Variants in MPPED2 observed in about 807,000 individuals in gnomAD.
The protein encoded by MPPED2 is metallophosphoesterase domain containing 2, also known as metallophosphoesterase MPPED2.
In MPPED2, 5 loss-of-function variants were observed where a neutral mutation model predicts 33.0. The observed-to-expected ratio is 0.15, with a 90% CI of 0.08 to 0.32. The LOEUF (loss-of-function observed/expected upper bound fraction) is 0.32, where lower values mean the gene tolerates loss of function less well. MPPED2 is among the 10% of genes least tolerant of loss of function. MPPED2 has a pLI of 1.00. For synonymous variants in MPPED2, 136 were observed against 141.9 expected, an observed-to-expected ratio of 0.96 and a Z score of 0.29; for missense variants, 275 against 372.1, an observed-to-expected ratio of 0.74 and a Z score of 2.15.
intron 1 of MPPED2, among the ~76,000 whole-genome samples, chr11:30,581,354 C>G (rs1320724296): frequency 6.6e-6 from 1 of 152,088 alleles, no homozygotes; most frequent in Non-Finnish European, 1.5e-5. Flanking sequence ...TCATAAATGT[C>G]AATATATTAT....
exon 7 of MPPED2, chr11:30,387,740 G>T (rs1167098448): frequency 6.6e-6 from 1 of 152,302 alleles, no homozygotes; most frequent in East Asian, 1.9e-4. Flanking sequence ...TCCCAGCAAA[G>T]CCCCATTTGC....
intron 3 of MPPED2, among the ~76,000 whole-genome samples, chr11:30,525,403 C>A (rs76694929): frequency 2.0e-5 from 3 of 152,038 alleles, no homozygotes; most frequent in African/African-American, 7.3e-5. Flanking sequence ...TTCAAAGAGC[C>A]GCTTTTTTAT....
At chr11:30,480,840 G>T (rs899601186) in intron 4 of MPPED2, among the ~76,000 whole-genome samples, 1 of 152,020 alleles carries the variant, frequency 6.6e-6, no homozygotes, top group Non-Finnish European at 1.5e-5. Context: ...TTTTTAAATG[G>T]TGATAATGAG....
chr11:30,425,034 C>G (rs1948771211), intron 4 of MPPED2, among the ~76,000 whole-genome samples: 1 of 152,170 alleles, frequency 6.6e-6, no homozygotes, highest in African/African-American at 2.4e-5. Flanking sequence ...TTCACTACGA[C>G]TTTGTAGCTT....
At chr11:30,552,155 T>G (rs376977504) in intron 2 of MPPED2, among the ~76,000 whole-genome samples, 1 of 152,218 alleles carries the variant, frequency 6.6e-6, no homozygotes, top group Non-Finnish European at 1.5e-5. Flanking sequence ...CTATTAAAAC[T>G]GTCATCTTCT....
intron 3 of MPPED2, among the ~76,000 whole-genome samples, chr11:30,499,371 T>A (rs1952448066): frequency 6.6e-6 from 1 of 152,200 alleles, no homozygotes; most frequent in Non-Finnish European, 1.5e-5. Context: ...ACATTCCAAA[T>A]CCCAAAATCC....
At chr11:30,514,663 T>C (rs1953422952) in intron 3 of MPPED2, among the ~76,000 whole-genome samples, 1 of 152,222 alleles carries the variant, frequency 6.6e-6, no homozygotes, top group South Asian at 2.1e-4. Context: ...TTCTGCTTCT[T>C]ACAACAGCCT....
chr11:30,492,888 G>A (rs1376305242), intron 4 of MPPED2, among the ~76,000 whole-genome samples: 1 of 152,020 alleles, frequency 6.6e-6, no homozygotes, highest in African/African-American at 2.4e-5. Flanking sequence ...TTCTGCACCT[G>A]GATTTTCTTA....
At chr11:30,440,297 T>C (rs1385139529) in intron 4 of MPPED2, among the ~76,000 whole-genome samples, 1 of 150,050 alleles carries the variant, frequency 6.7e-6, no homozygotes, top group African/African-American at 2.5e-5. Flanking sequence ...GCCACTGCAC[T>C]CCAGCCTGGG....
intron 4 of MPPED2, chr11:30,451,833 C>A: frequency 1.0e-6 from 1 of 985,258 alleles, no homozygotes; most frequent in Non-Finnish European, 1.2e-6. Context: ...TGACAGGCTG[C>A]GGTGGGAAGT....
At chr11:30,429,506 G>C (rs1446557347) in intron 4 of MPPED2, among the ~76,000 whole-genome samples, 5 of 152,152 alleles carry the variant, frequency 3.3e-5, no homozygotes, top group Admixed American at 6.5e-5. Flanking sequence ...AAAAAGCTTA[G>C]ACTGCCCTTC....
intron 2 of MPPED2, among the ~76,000 whole-genome samples, chr11:30,570,759 A>G (rs2134811947): frequency 6.6e-6 from 1 of 152,318 alleles, no homozygotes; most frequent in Non-Finnish European, 1.5e-5. Context: ...TTCAAAACAT[A>G]TTTTAAACTA....
At chr11:30,427,359 C>T (rs1382752017) in intron 4 of MPPED2, among the ~76,000 whole-genome samples, 1 of 152,142 alleles carries the variant, frequency 6.6e-6, no homozygotes, top group South Asian at 2.1e-4. Context: ...GTTGCTAATA[C>T]TGGTTTCTTT....
chr11:30,449,687 T>TC (rs1317566188), intron 4 of MPPED2, among the ~76,000 whole-genome samples: 1 of 152,120 alleles, frequency 6.6e-6, no homozygotes, highest in East Asian at 1.9e-4. Context: ...TTATCTGTTC[T>TC]CCCCTTTTCT....
chr11:30,469,508 G>C lies in MPPED2; in HGVS notation c.536+25788C>G, dbSNP rs192618148. 1.5e-3 allele frequency among the ~76,000 whole-genome samples: 221 copies of C among 152,246 alleles called. 2 individuals carry two copies. The highest frequency in any genetic ancestry group is 0.013 in the Admixed American group (204 of 15,298). On this transcript the variant is annotated intron_variant, in intron 4 of 6. Coordinates refer to ENST00000358117, the MANE Select transcript of MPPED2 (RefSeq NM_001584.3). ...GAATCGGAGATGTAGCAGCAGCATA[G>C]CAGAAAGAGCCAAGTTCAGTCCTAC...
At chr11:30,578,829 T>G (rs574982209) in intron 2 of MPPED2, among the ~76,000 whole-genome samples, 3 of 152,304 alleles carry the variant, frequency 2.0e-5, no homozygotes, top group Non-Finnish European at 4.4e-5. Flanking sequence ...AATATTTGAA[T>G]TAAACAGATA....
downstream of MPPED2, among the ~76,000 whole-genome samples, chr11:30,406,474 T>G (rs1291035932): frequency 6.6e-6 from 1 of 152,100 alleles, no homozygotes; most frequent in Non-Finnish European, 1.5e-5. Context: ...TTGGAGCTTC[T>G]TAGGGAGTTT....
chr11:30,546,166 G>A (rs180797306), intron 2 of MPPED2, among the ~76,000 whole-genome samples: 152 of 152,146 alleles, frequency 1.0e-3, no homozygotes, highest in African/African-American at 3.6e-3. Flanking sequence ...CCCAAAGTTC[G>A]GAAAAAACAA....
At chr11:30,585,315 C>T (rs1957410033) in intron 1 of MPPED2, among the ~76,000 whole-genome samples, 1 of 152,062 alleles carries the variant, frequency 6.6e-6, no homozygotes, top group Admixed American at 6.5e-5. Flanking sequence ...GAGACCCAGG[C>T]AGCGGCGGAG....
Sources: gnomAD v4.1 joint callset for allele counts (sites outside exome capture counted in the v4.1 genomes callset) on GRCh38, gnomAD v4.1.1 for gene constraint, MANE v1.5 for transcripts, NCBI Gene and HGNC (gene_info 2026-07-23, HGNC 2026-07-21) for gene names.